Variants in NSMAF observed in about 807,000 individuals in gnomAD.
NSMAF encodes protein FAN.
In NSMAF, 90 loss-of-function variants were observed where a neutral mutation model predicts 134.9. That is an observed-to-expected ratio of 0.67 (90% CI 0.56 to 0.79). NSMAF has a LOEUF of 0.79. Ranked by LOEUF, NSMAF falls within the 30% of genes least tolerant of loss-of-function variation. NSMAF has a pLI of 0.00. For synonymous variants in NSMAF, 358 were observed against 389.6 expected (o/e 0.92, Z 0.96); for missense variants, 1,010 against 1,119.0 (o/e 0.90, Z 1.39).
chr8:58,655,793 G>C (rs1356864858), intron 1 of NSMAF, among the ~76,000 whole-genome samples: 1 of 151,742 alleles, frequency 6.6e-6, no homozygotes, highest in African/African-American at 2.4e-5. Flanking sequence ...TGTAGTCCCA[G>C]CTACTCGGGA....
intron 1 of NSMAF, among the ~76,000 whole-genome samples, chr8:58,646,739 T>G (rs914447914): frequency 2.0e-5 from 3 of 152,078 alleles, no homozygotes; most frequent in African/African-American, 7.2e-5. Flanking sequence ...GAGTCCATGC[T>G]TAAAAAAAAA....
chr8:58,630,108 G>C (rs1807024101), intron 6 of NSMAF, among the ~76,000 whole-genome samples: 1 of 152,246 alleles, frequency 6.6e-6, no homozygotes, highest in African/African-American at 2.4e-5. Context: ...GTGTGGGACA[G>C]AGGATGGCCA....
chr8:58,587,208 T>G (rs1285321468), intron 27 of NSMAF, among the ~76,000 whole-genome samples: 1 of 152,220 alleles, frequency 6.6e-6, no homozygotes, highest in Non-Finnish European at 1.5e-5. Context: ...CCCAGACAGC[T>G]GGTCACTGTC....
chr8:58,599,467 G>T (rs1317193219), intron 18 of NSMAF, 104 bp from the exon 19 acceptor site: 2 of 1,273,920 alleles, frequency 1.6e-6, no homozygotes, highest in East Asian at 2.4e-5. Context: ...CAGGCAAGAG[G>T]TCCATATTTC....
intron 3 of NSMAF, 42 bp downstream of exon 3, chr8:58,635,426 A>C: frequency 1.3e-6 from 2 of 1,567,568 alleles, no homozygotes; most frequent in Non-Finnish European, 1.7e-6. Flanking sequence ...AGACATACAC[A>C]AAAAATAGGA....
chr8:58,606,941 C>T (rs546075647), intron 11 of NSMAF, among the ~76,000 whole-genome samples: 17 of 152,324 alleles, frequency 1.1e-4, no homozygotes, highest in African/African-American at 4.1e-4. Flanking sequence ...CTTTTTCTGA[C>T]TGCAGCTCTA....
At chr8:58,607,577 C>G (rs1806435984) in intron 11 of NSMAF, among the ~76,000 whole-genome samples, 192 bp downstream of exon 11, 1 of 152,234 alleles carries the variant, frequency 6.6e-6, no homozygotes, top group Non-Finnish European at 1.5e-5. Context: ...AACCTCTTCT[C>G]TACATGAAAG....
intron 14 of NSMAF, among the ~76,000 whole-genome samples, chr8:58,601,824 T>G (rs763304949): frequency 1.3e-5 from 2 of 152,216 alleles, no homozygotes; most frequent in Non-Finnish European, 2.9e-5. Flanking sequence ...AATGCCTTCA[T>G]GAAAATAATT....
chr8:58,625,897 T>C (rs182849468), intron 6 of NSMAF, among the ~76,000 whole-genome samples: 3 of 152,202 alleles, frequency 2.0e-5, no homozygotes, highest in African/African-American at 7.2e-5. Context: ...CATAGTTTGA[T>C]TTCCTCCTCA....
chr8:58,648,559 T>C (rs1014400940), intron 1 of NSMAF, among the ~76,000 whole-genome samples: 1 of 152,140 alleles, frequency 6.6e-6, no homozygotes, highest in Non-Finnish European at 1.5e-5. Context: ...AGGATGTCCC[T>C]CCCATCACAG....
At chr8:58,600,095 G>A (rs1806244589) in intron 16 of NSMAF, 74 bp from the exon 17 acceptor site, 1 of 1,098,952 alleles carries the variant, frequency 9.1e-7, no homozygotes. Flanking sequence ...TGCACTTGGG[G>A]GCTGTTCTAC....
intron 18 of NSMAF, 164 bp downstream of exon 18, chr8:58,599,586 C>T: frequency 1.1e-6 from 1 of 895,994 alleles, no homozygotes; most frequent in Non-Finnish European, 1.7e-6. Context: ...AATGTTTTTA[C>T]ATCACAGACT....
Position 58,594,215 on chromosome 8 carries a change from C to CGGGGAGGAACA in NSMAF, c.1951+6_1951+16dup. The CGGGGAGGAACA allele has an allele frequency of 6.2e-7, 1 of 1,613,014 alleles. No homozygotes were observed. The highest frequency in any genetic ancestry group is 8.5e-7 in the Non-Finnish European group (1 of 1,179,200). ...CTAGGATTTTGGTTAAGCCGCCTTT[C>CGGGGAGGAACA]GGGGAGGAACACTGACCTTGGGATG... On this transcript the variant is annotated intron_variant, in intron 23 of 30. Coordinates refer to ENST00000038176, the MANE Select transcript of NSMAF (RefSeq NM_003580.4).
At chr8:58,601,655 G>A in intron 14 of NSMAF, 120 bp from the exon 15 acceptor site, 2 of 1,325,526 alleles carry the variant, frequency 1.5e-6, no homozygotes, top group East Asian at 5.2e-5. Flanking sequence ...TAATTTCTCT[G>A]TTAGATAAGA....
chr8:58,630,632 T>C (rs1040625903), intron 6 of NSMAF, among the ~76,000 whole-genome samples: 1 of 152,112 alleles, frequency 6.6e-6, no homozygotes, highest in African/African-American at 2.4e-5. Flanking sequence ...GTAATATAAG[T>C]GACAGCCCCA....
intron 1 of NSMAF, among the ~76,000 whole-genome samples, chr8:58,654,003 CATTT>C (rs1453025089): frequency 1.3e-5 from 2 of 152,106 alleles, no homozygotes; most frequent in East Asian, 3.8e-4. Flanking sequence ...AAATTTGCAA[CATTT>C]ATTTCCTCTC....
intron 26 of NSMAF, 44 bp downstream of exon 26, chr8:58,589,408 T>C: frequency 7.1e-7 from 1 of 1,403,654 alleles, no homozygotes; most frequent in Non-Finnish European, 9.3e-7. Flanking sequence ...ACATATGCCA[T>C]ATAGCACACC....
chr8:58,621,426 C>A (rs768269374), intron 9 of NSMAF, among the ~76,000 whole-genome samples: 1 of 152,118 alleles, frequency 6.6e-6, no homozygotes, highest in Non-Finnish European at 1.5e-5. Context: ...CCTACGTGTG[C>A]ATGTATCTTT....
intron 1 of NSMAF, among the ~76,000 whole-genome samples, chr8:58,652,921 C>T (rs754747556): frequency 6.6e-6 from 1 of 152,000 alleles, no homozygotes; most frequent in African/African-American, 2.4e-5. Flanking sequence ...AAAATAATTC[C>T]GTAACGAGGA....
Sources: allele counts gnomAD v4.1 joint callset (sites outside exome capture counted in the v4.1 genomes callset), GRCh38; gene constraint gnomAD v4.1.1; transcripts MANE v1.5; gene names NCBI Gene and HGNC (gene_info 2026-07-23, HGNC 2026-07-21).